The following PIP4P2 variants were observed in gnomAD, a reference collection of about 807,000 sequenced individuals.
PIP4P2 encodes type 2 phosphatidylinositol 4,5-bisphosphate 4-phosphatase.
Under a neutral mutation model 33.3 loss-of-function variants are expected in PIP4P2, and 19 were observed. The observed-to-expected ratio is 0.57, with a 90% CI of 0.40 to 0.84. PIP4P2 has a LOEUF of 0.84. Ranked by LOEUF, PIP4P2 falls within the 40% of genes least tolerant of loss-of-function variation. The pLI, the probability that PIP4P2 is intolerant of heterozygous loss-of-function variation, is 0.00. For missense variants in PIP4P2, 270 were observed against 324.7 expected (o/e 0.83, Z 1.29); for synonymous variants, 110 against 111.9 (o/e 0.98, Z 0.11).
chr8:91,003,956 T>TAGAC (rs1811733403), intron 5 of PIP4P2, among the ~76,000 whole-genome samples: 1 of 110,788 alleles, frequency 9.0e-6, no homozygotes, highest in South Asian at 2.6e-4. Context: ...AGGAGATAGA[T>TAGAC]AGATAGATAG....
At chr8:91,018,648 C>G (rs1811955092) in intron 3 of PIP4P2, 135 bp from the exon 4 acceptor site, 3 of 1,330,830 alleles carry the variant, frequency 2.3e-6, no homozygotes, top group Admixed American at 4.4e-5. Flanking sequence ...AAGCTGGAGG[C>G]AAAACTACAA....
intron 5 of PIP4P2, among the ~76,000 whole-genome samples, chr8:91,001,941 T>C (rs993782875): frequency 6.6e-6 from 1 of 152,170 alleles, no homozygotes; most frequent in Non-Finnish European, 1.5e-5. Context: ...GAACTAGGTT[T>C]TCCTAGATCG....
intron 2 of PIP4P2, among the ~76,000 whole-genome samples, chr8:91,020,693 G>A (rs1296214938): frequency 6.6e-6 from 1 of 152,012 alleles, no homozygotes; most frequent in African/African-American, 2.4e-5. Context: ...TTTTAAAAAA[G>A]GAAAGGTGTT....
At chr8:91,040,619 G>A in intron 1 of PIP4P2, 25 bp downstream of exon 1, 1 of 1,612,466 alleles carries the variant, frequency 6.2e-7, no homozygotes, top group Non-Finnish European at 8.5e-7. Context: ...TCCTTGCAAA[G>A]TAGAGGGATC....
chr8:91,006,823 G>C (rs1301946729), intron 5 of PIP4P2, among the ~76,000 whole-genome samples: 1 of 152,124 alleles, frequency 6.6e-6, no homozygotes, highest in African/African-American at 2.4e-5. Flanking sequence ...ACAAAAATTA[G>C]CCAGGCGTGG....
At chr8:91,017,960 A>G (rs1563565608) in intron 4 of PIP4P2, among the ~76,000 whole-genome samples, 1 of 152,202 alleles carries the variant, frequency 6.6e-6, no homozygotes, top group Non-Finnish European at 1.5e-5. Context: ...TCCAAGAATA[A>G]TTTATAAAAG....
intron 4 of PIP4P2, among the ~76,000 whole-genome samples, chr8:91,015,157 C>T (rs1362545383): frequency 1.3e-5 from 2 of 152,264 alleles, no homozygotes; most frequent in Admixed American, 1.3e-4. Context: ...AGCTTCACCC[C>T]TATTACCTCT....
intron 4 of PIP4P2, among the ~76,000 whole-genome samples, chr8:91,013,024 T>C (rs1045870613): frequency 6.6e-6 from 1 of 152,146 alleles, no homozygotes; most frequent in East Asian, 1.9e-4. Context: ...GTCAATTCTC[T>C]CTCAAATTCT....
intron 4 of PIP4P2, among the ~76,000 whole-genome samples, chr8:91,013,869 T>C (rs922192170): frequency 6.6e-6 from 1 of 152,108 alleles, no homozygotes; most frequent in Non-Finnish European, 1.5e-5. Flanking sequence ...TTGTTACCTA[T>C]CCCCACCAAG....
At chr8:91,028,568 A>T (rs1812115077) in intron 1 of PIP4P2, among the ~76,000 whole-genome samples, 1 of 152,186 alleles carries the variant, frequency 6.6e-6, no homozygotes, top group Non-Finnish European at 1.5e-5. Context: ...AGGTTATTTT[A>T]TTAGTTATGA....
chr8:91,030,682 G>A (rs1002177869), intron 1 of PIP4P2, among the ~76,000 whole-genome samples: 1 of 152,050 alleles, frequency 6.6e-6, no homozygotes, highest in African/African-American at 2.4e-5. Flanking sequence ...TTATTATTAT[G>A]TATCCTTTAA....
At chr8:91,002,919 T>C (rs1354457414) in intron 5 of PIP4P2, among the ~76,000 whole-genome samples, 1 of 152,090 alleles carries the variant, frequency 6.6e-6, no homozygotes, top group African/African-American at 2.4e-5. Context: ...CTAGGTTGTG[T>C]GTGTAGAGAC....
chr8:91,002,106 C>A (rs1048200352), intron 5 of PIP4P2, among the ~76,000 whole-genome samples: 2 of 152,054 alleles, frequency 1.3e-5, no homozygotes, highest in African/African-American at 4.8e-5. Flanking sequence ...AGTATTCTAA[C>A]CCCGCTACCT....
chr8:90,995,827 T>C lies in PIP4P2; in HGVS notation c.631-7A>G, dbSNP rs2130345062. On this transcript the variant is annotated splice_region_variant and splice_polypyrimidine_tract_variant and intron_variant, in intron 6 of 6. Transcript: ENST00000285419. ...CAAAATCTGGGGTGCCAACCTAAAA[T>C]AAAAAGCAATATAAAAACAAAATAT... The C allele has an allele frequency of 6.3e-7, 1 of 1,592,648 alleles. No homozygotes were observed. The highest frequency in any genetic ancestry group is 1.7e-4 in the Middle Eastern group (1 of 5,922).
chr8:91,028,955 CTGTTTATCTGTAGCCCA>C (rs776395596), intron 1 of PIP4P2, among the ~76,000 whole-genome samples: 6 of 152,146 alleles, frequency 3.9e-5, no homozygotes, highest in Non-Finnish European at 8.8e-5. Flanking sequence ...TTAAATTCTA[CTGTTTATCTGTAGCCCA>C]TGGATTAATC....
intron 1 of PIP4P2, among the ~76,000 whole-genome samples, chr8:91,039,843 A>G (rs1490899417): frequency 2.0e-5 from 3 of 152,206 alleles, no homozygotes; most frequent in Admixed American, 6.5e-5. Flanking sequence ...AATAGATTCC[A>G]TATTTCTCCA....
chr8:91,021,431 G>C, intron 1 of PIP4P2, 27 bp from the exon 2 acceptor site: 1 of 1,607,700 alleles, frequency 6.2e-7, no homozygotes, highest in Non-Finnish European at 8.5e-7. Flanking sequence ...CACTGAATCA[G>C]AGTCTTGGAG....
At chr8:91,013,402 T>C (rs1397793401) in intron 4 of PIP4P2, among the ~76,000 whole-genome samples, 2 of 152,206 alleles carry the variant, frequency 1.3e-5, no homozygotes, top group African/African-American at 2.4e-5. Flanking sequence ...TTTAAAATTG[T>C]GTTACTGTCA....
intron 5 of PIP4P2, among the ~76,000 whole-genome samples, chr8:91,008,463 A>G (rs1185520040): frequency 6.6e-6 from 1 of 152,180 alleles, no homozygotes; most frequent in Non-Finnish European, 1.5e-5. Context: ...ACAGATTATA[A>G]TATCCTAACC....
Sources: gnomAD v4.1 joint callset for allele counts (sites outside exome capture counted in the v4.1 genomes callset) on GRCh38, gnomAD v4.1.1 for gene constraint, MANE v1.5 for transcripts, NCBI Gene and HGNC (gene_info 2026-07-23, HGNC 2026-07-21) for gene names.